LRRC4C: variants seen among roughly 807,000 people sequenced by gnomAD.
LRRC4C encodes leucine rich repeat containing 4C.
In LRRC4C, 5 loss-of-function variants were observed where a neutral mutation model predicts 33.6. The observed-to-expected ratio is 0.15, with a 90% CI of 0.08 to 0.31. The LOEUF (loss-of-function observed/expected upper bound fraction) is 0.31, where lower values mean the gene tolerates loss of function less well. Among genes scored for constraint, LRRC4C ranks in the 10% least tolerant of loss-of-function variants. LRRC4C has a pLI of 1.00. For missense variants in LRRC4C, 560 were observed against 796.7 expected (o/e 0.70, Z 3.58); for synonymous variants, 329 against 302.0 (o/e 1.09, Z -0.93).
intron 1 of LRRC4C, among the ~76,000 whole-genome samples, chr11:41,452,906 CTAA>C (rs966745037): frequency 6.6e-6 from 1 of 152,032 alleles, no homozygotes; most frequent in East Asian, 1.9e-4. Context: ...ACTATTACTA[CTAA>C]TGATTATAAG....
At chr11:41,316,274 A>AAC (rs1174467918) in intron 1 of LRRC4C, among the ~76,000 whole-genome samples, 6 of 150,266 alleles carry the variant, frequency 4.0e-5, no homozygotes, top group East Asian at 2.0e-4. Flanking sequence ...AAAAAAAAAA[A>AAC]AAAAACAAAA....
intron 1 of LRRC4C, among the ~76,000 whole-genome samples, chr11:41,037,415 C>T (rs755932339): frequency 2.0e-5 from 3 of 152,046 alleles, no homozygotes; most frequent in Non-Finnish European, 4.4e-5. Context: ...CCATGGCTCA[C>T]TGTAGCCTCA....
intron 5 of LRRC4C, among the ~76,000 whole-genome samples, chr11:40,165,449 C>T (rs539131724): frequency 6.6e-6 from 1 of 152,170 alleles, no homozygotes; most frequent in African/African-American, 2.4e-5. Flanking sequence ...GAAGAAAACA[C>T]AAATTATCCT....
chr11:40,844,440 G>C (rs1953063850), intron 2 of LRRC4C, among the ~76,000 whole-genome samples: 1 of 152,116 alleles, frequency 6.6e-6, no homozygotes. Context: ...TCTTAAGAAA[G>C]AGACAGAAAA....
At chr11:40,406,367 G>A (rs953526166) in intron 3 of LRRC4C, among the ~76,000 whole-genome samples, 47 of 152,012 alleles carry the variant, frequency 3.1e-4, no homozygotes, top group African/African-American at 1.1e-3. Context: ...GACTCATTCT[G>A]TCAAAGCACA....
chr11:40,274,178 C>T (rs772685681), intron 4 of LRRC4C, among the ~76,000 whole-genome samples: 3 of 151,674 alleles, frequency 2.0e-5, no homozygotes, highest in Non-Finnish European at 4.4e-5. Context: ...TGGCTGCTCC[C>T]CAAAAGCATG....
intron 6 of LRRC4C, among the ~76,000 whole-genome samples, chr11:40,138,423 C>T (rs931412228): frequency 2.0e-5 from 3 of 152,132 alleles, no homozygotes; most frequent in African/African-American, 7.2e-5. Context: ...TTCCTCATTT[C>T]TAAAGGGATG....
At chr11:40,996,854 C>T (rs892906009) in intron 1 of LRRC4C, among the ~76,000 whole-genome samples, 1 of 152,100 alleles carries the variant, frequency 6.6e-6, no homozygotes, top group Non-Finnish European at 1.5e-5. Flanking sequence ...TCACTAATTA[C>T]TGTGAGTACA....
intron 2 of LRRC4C, among the ~76,000 whole-genome samples, chr11:40,718,428 G>A (rs117461776): frequency 0.016 from 2,421 of 152,206 alleles, 32 homozygotes; most frequent in Middle Eastern, 0.041. Context: ...AATGTGCCAG[G>A]ATTTAACTTT....
At chr11:40,296,086 C>T (rs576189770) in intron 4 of LRRC4C, among the ~76,000 whole-genome samples, 12 of 152,264 alleles carry the variant, frequency 7.9e-5, no homozygotes, top group African/African-American at 2.9e-4. Context: ...TATTAGCTCT[C>T]TACCAGACAT....
chr11:40,235,039 C>T (rs192757655), intron 5 of LRRC4C, among the ~76,000 whole-genome samples: 23 of 152,264 alleles, frequency 1.5e-4, no homozygotes, highest in African/African-American at 5.3e-4. Context: ...TCCAATTACC[C>T]TGATTGCAGC....
chr11:40,932,837 C>A (rs1957686596), intron 2 of LRRC4C, among the ~76,000 whole-genome samples: 1 of 152,110 alleles, frequency 6.6e-6, no homozygotes, highest in Non-Finnish European at 1.5e-5. Flanking sequence ...TTCATGTGGT[C>A]ACATCCTATT....
intron 3 of LRRC4C, among the ~76,000 whole-genome samples, chr11:40,475,175 C>T (rs1165344710): frequency 6.6e-6 from 1 of 152,078 alleles, no homozygotes; most frequent in African/African-American, 2.4e-5. Context: ...CAGCACTATT[C>T]ACAATAACAA....
intron 2 of LRRC4C, among the ~76,000 whole-genome samples, chr11:40,859,585 T>C (rs1953971387): frequency 6.6e-6 from 1 of 151,866 alleles, no homozygotes; most frequent in Non-Finnish European, 1.5e-5. Flanking sequence ...GACCCAGCAA[T>C]CACCCTCCTT....
chr11:40,166,286 A>G (rs1182356719), intron 5 of LRRC4C, among the ~76,000 whole-genome samples: 1 of 152,220 alleles, frequency 6.6e-6, no homozygotes, highest in Non-Finnish European at 1.5e-5. Context: ...CTGGAGAATG[A>G]GCATTCTGTA....
chr11:40,331,409 G>A (rs1434831286), intron 3 of LRRC4C, among the ~76,000 whole-genome samples: 1 of 152,088 alleles, frequency 6.6e-6, no homozygotes, highest in Non-Finnish European at 1.5e-5. Flanking sequence ...CAACCAACAT[G>A]TCCATCAGCA....
chr11:41,231,768 T>C (rs1947808921), intron 1 of LRRC4C, among the ~76,000 whole-genome samples: 1 of 151,598 alleles, frequency 6.6e-6, no homozygotes, highest in Non-Finnish European at 1.5e-5. Flanking sequence ...GTATAATATA[T>C]ATATGTGTGT....
At chr11:40,809,028 C>A (rs1951369182) in intron 2 of LRRC4C, among the ~76,000 whole-genome samples, 1 of 152,116 alleles carries the variant, frequency 6.6e-6, no homozygotes, top group Non-Finnish European at 1.5e-5. Context: ...CTGGTTCTTC[C>A]TTTTCTGCTG....
At chr11:40,945,098 G>A (rs1447549313) in intron 1 of LRRC4C, among the ~76,000 whole-genome samples, 1 of 148,508 alleles carries the variant, frequency 6.7e-6, no homozygotes, top group East Asian at 2.0e-4. Flanking sequence ...CGCGATCTCG[G>A]CACACTGCAA....
Sources: allele counts gnomAD v4.1 joint callset (sites outside exome capture counted in the v4.1 genomes callset), GRCh38; gene constraint gnomAD v4.1.1; transcripts MANE v1.5; gene names NCBI Gene and HGNC (gene_info 2026-07-23, HGNC 2026-07-21).